Variants in EPSTI1 observed in about 807,000 individuals in gnomAD.
The protein encoded by EPSTI1 is epithelial-stromal interaction protein 1.
A neutral mutation model predicts 49.9 loss-of-function variants in EPSTI1; 66 were observed. That is an observed-to-expected ratio of 1.32 (90% CI 1.08 to 1.62). The LOEUF (loss-of-function observed/expected upper bound fraction) is 1.62, where lower values mean the gene tolerates loss of function less well. EPSTI1 is among the 40% of genes most tolerant of loss of function. The pLI is 0.00. For missense variants in EPSTI1, 394 were observed against 365.5 expected (o/e 1.08, Z -0.64); for synonymous variants, 137 against 130.7 (o/e 1.05, Z -0.33).
intron 1 of EPSTI1, among the ~76,000 whole-genome samples, chr13:42,989,546 A>C (rs972884527): frequency 5.8e-5 from 8 of 137,054 alleles, no homozygotes; most frequent in Admixed American, 1.5e-4. Context: ...TGTACTATTA[A>C]AGCACTTTAT....
chr13:42,910,291 C>T (rs866864591), intron 8 of EPSTI1, among the ~76,000 whole-genome samples: 11 of 99,196 alleles, frequency 1.1e-4, no homozygotes, highest in Admixed American at 5.7e-4. Context: ...AACAGAGTTT[C>T]GCTCTTGTTG....
At chr13:42,971,054 C>A (rs74061463) in intron 1 of EPSTI1, among the ~76,000 whole-genome samples, 1 of 152,128 alleles carries the variant, frequency 6.6e-6, no homozygotes, top group Non-Finnish European at 1.5e-5. Context: ...ATTTTCTGTT[C>A]CCACAGACTG....
chr13:42,933,967 G>A (rs2153423742), intron 6 of EPSTI1: 1 of 163,392 alleles, frequency 6.1e-6, no homozygotes, highest in South Asian at 1.7e-4. Context: ...TCAGGGCAGG[G>A]GCACAGATAT....
intron 6 of EPSTI1, among the ~76,000 whole-genome samples, chr13:42,927,245 C>A (rs1189983492): frequency 6.6e-6 from 1 of 152,212 alleles, no homozygotes; most frequent in African/African-American, 2.4e-5. Flanking sequence ...TTATGCCAAG[C>A]ATAGAACACT....
intron 6 of EPSTI1, among the ~76,000 whole-genome samples, chr13:42,938,223 A>G (rs1329152067): frequency 2.0e-5 from 3 of 152,062 alleles, no homozygotes; most frequent in African/African-American, 7.2e-5. Context: ...TAACTTTGAG[A>G]TGCCTGGGAA....
chr13:42,894,052 C>T, intron 10 of EPSTI1, among the ~76,000 whole-genome samples: 1 of 152,180 alleles, frequency 6.6e-6, no homozygotes, highest in East Asian at 1.9e-4. Context: ...TGCAAATTTG[C>T]TTCTGTTCAA....
At chr13:42,944,852 A>G (rs1352312653) in intron 6 of EPSTI1, among the ~76,000 whole-genome samples, 1 of 152,220 alleles carries the variant, frequency 6.6e-6, no homozygotes. Flanking sequence ...GACCTTGTAG[A>G]AACTATAATA....
At chr13:42,984,258 A>G (rs1239144016) in intron 1 of EPSTI1, among the ~76,000 whole-genome samples, 2 of 152,190 alleles carry the variant, frequency 1.3e-5, no homozygotes, top group Admixed American at 6.5e-5. Context: ...CCAATTCTCC[A>G]TCTCCAGGGA....
At chr13:42,969,287 C>A in intron 2 of EPSTI1, 110 bp from the exon 3 acceptor site, 1 of 1,018,902 alleles carries the variant, frequency 9.8e-7, no homozygotes, top group Non-Finnish European at 1.4e-6. Flanking sequence ...TATATGTGAG[C>A]ATGAGTGAAC....
In EPSTI1 at chr13:42,963,371, CA is replaced by C. The variant is rs778807925; in HGVS notation, c.406-34del. 21 of 1,545,850 alleles carry C rather than the reference CA, an allele frequency of 1.4e-5. No homozygotes were observed. In the South Asian group the frequency reaches 2.4e-4, roughly 18 times the overall value. On this transcript the variant is annotated intron_variant, in intron 4 of 10. Transcript: ENST00000313624. Reference sequence around the variant, plus strand: ...GTATTGAAATTACAGAGAACAAAAACAGTTACCATTTTTCAGTCTGAACTCT... The same window carrying C: ...GTATTGAAATTACAGAGAACAAAAACGTTACCATTTTTCAGTCTGAACTCT...
At chr13:42,916,533 T>C (rs1278051668) in intron 8 of EPSTI1, among the ~76,000 whole-genome samples, 2 of 152,206 alleles carry the variant, frequency 1.3e-5, no homozygotes, top group Non-Finnish European at 1.5e-5. Context: ...AAATAGTTCA[T>C]TTTTCAATGG....
chr13:42,918,991 G>A (rs2153418866), intron 7 of EPSTI1, among the ~76,000 whole-genome samples: 1 of 152,162 alleles, frequency 6.6e-6, no homozygotes, highest in East Asian at 1.9e-4. Context: ...AAGGAAAGGA[G>A]AGAAGAAGAA....
At chr13:42,955,789 T>G (rs1453443835) in intron 5 of EPSTI1, among the ~76,000 whole-genome samples, 1 of 140,264 alleles carries the variant, frequency 7.1e-6, no homozygotes, top group Non-Finnish European at 1.5e-5. Flanking sequence ...GCGACAAGAG[T>G]GAAACTCCAT....
intron 6 of EPSTI1, among the ~76,000 whole-genome samples, chr13:42,929,259 A>G (rs1379358795): frequency 6.6e-6 from 1 of 152,244 alleles, no homozygotes; most frequent in Non-Finnish European, 1.5e-5. Context: ...CAAGGTCATC[A>G]TGCAATCTAC....
chr13:42,910,186 C>T (rs140624530), intron 8 of EPSTI1, among the ~76,000 whole-genome samples: 6 of 148,434 alleles, frequency 4.0e-5, no homozygotes, highest in Admixed American at 6.7e-5. Flanking sequence ...TGTCCCATAA[C>T]GTATTTTCTA....
chr13:42,974,259 C>T (rs1594754647), intron 1 of EPSTI1, among the ~76,000 whole-genome samples: 1 of 151,992 alleles, frequency 6.6e-6, no homozygotes, highest in East Asian at 1.9e-4. Context: ...TCGCTTGATC[C>T]CAGGGGGCAG....
chr13:42,988,838 T>C (rs1013414354), intron 1 of EPSTI1, among the ~76,000 whole-genome samples: 1 of 124,028 alleles, frequency 8.1e-6, no homozygotes, highest in Non-Finnish European at 1.7e-5. Context: ...TTTCTTTCTA[T>C]GCAAATAGGT....
intron 8 of EPSTI1, among the ~76,000 whole-genome samples, chr13:42,909,291 C>T (rs867006407): frequency 6.6e-6 from 1 of 151,992 alleles, no homozygotes; most frequent in African/African-American, 2.4e-5. Context: ...AGATAACAAG[C>T]GATGGCAAGA....
At chr13:42,986,007 G>A (rs2040071336) in intron 1 of EPSTI1, among the ~76,000 whole-genome samples, 1 of 152,216 alleles carries the variant, frequency 6.6e-6, no homozygotes, top group African/African-American at 2.4e-5. Flanking sequence ...TGCTGCAAGT[G>A]CCATTGTCAG....
Sources: allele counts gnomAD v4.1 joint callset (sites outside exome capture counted in the v4.1 genomes callset), GRCh38; gene constraint gnomAD v4.1.1; transcripts MANE v1.5; gene names NCBI Gene and HGNC (gene_info 2026-07-23, HGNC 2026-07-21).